ZNF407: variants seen among roughly 807,000 people sequenced by gnomAD.
ZNF407 encodes the protein zinc finger protein 407.
A neutral mutation model predicts 131.2 loss-of-function variants in ZNF407; 17 were observed. That is an observed-to-expected ratio of 0.13 (90% CI 0.09 to 0.19). The LOEUF (loss-of-function observed/expected upper bound fraction) is 0.19. ZNF407 is among the 10% of genes least tolerant of loss of function. The probability of loss-of-function intolerance (pLI) is 1.00; values close to 1 mark genes in which losing one functional copy is unlikely to be tolerated. For missense variants in ZNF407, 2,681 were observed against 2,830.6 expected (o/e 0.95, Z 1.20); for synonymous variants, 1,156 against 1,062.0 (o/e 1.09, Z -1.72).
intron 8 of ZNF407, among the ~76,000 whole-genome samples, chr18:74,944,079 G>A (rs1972129008): frequency 6.6e-6 from 1 of 151,922 alleles, no homozygotes; most frequent in Admixed American, 6.6e-5. Context: ...CTAATTATAC[G>A]AGGCGCCTGT....
chr18:74,676,621 A>G (rs1056276222), intron 3 of ZNF407, among the ~76,000 whole-genome samples: 22 of 151,904 alleles, frequency 1.4e-4, no homozygotes, highest in East Asian at 1.2e-3. Context: ...TTTTTAGTAG[A>G]GACGGGGTTT....
chr18:74,614,979 G>A (rs970562647), intron 1 of ZNF407, among the ~76,000 whole-genome samples: 10 of 152,188 alleles, frequency 6.6e-5, no homozygotes, highest in South Asian at 4.1e-4. Context: ...AGACTCCCTT[G>A]CAGCTAAGCA....
intron 3 of ZNF407, among the ~76,000 whole-genome samples, chr18:74,655,754 C>G (rs920938505): frequency 6.6e-6 from 1 of 152,090 alleles, no homozygotes; most frequent in Non-Finnish European, 1.5e-5. Context: ...TTCATGCTCA[C>G]GTGTATAAAA....
At chr18:75,043,590 G>A (rs1029232063) in intron 8 of ZNF407, among the ~76,000 whole-genome samples, 1 of 152,142 alleles carries the variant, frequency 6.6e-6, no homozygotes, top group Non-Finnish European at 1.5e-5. Flanking sequence ...CATTGTGGAT[G>A]TGCTCCCATT....
intron 3 of ZNF407, among the ~76,000 whole-genome samples, chr18:74,744,132 A>G (rs561774857): frequency 3.3e-5 from 5 of 152,158 alleles, no homozygotes; most frequent in Admixed American, 6.6e-5. Flanking sequence ...CAGGCAATAC[A>G]TTGAGAATTT....
intron 3 of ZNF407, among the ~76,000 whole-genome samples, chr18:74,760,761 C>T (rs1346719105): frequency 6.6e-6 from 1 of 152,122 alleles, no homozygotes; most frequent in Non-Finnish European, 1.5e-5. Flanking sequence ...AGCTCCTAGG[C>T]TGCTGGTTTT....
chr18:74,728,056 A>AGTT (rs897698574), intron 3 of ZNF407, among the ~76,000 whole-genome samples: 6 of 152,016 alleles, frequency 3.9e-5, no homozygotes, highest in Non-Finnish European at 8.8e-5. Flanking sequence ...GGTTATTCAT[A>AGTT]GTTGTTGTTG....
intron 1 of ZNF407, among the ~76,000 whole-genome samples, chr18:74,603,630 A>G (rs1191354064): frequency 6.6e-6 from 1 of 152,220 alleles, no homozygotes; most frequent in Admixed American, 6.5e-5. Context: ...TGTTGGTGAG[A>G]CACCATTGAC....
chr18:74,649,116 A>G (rs1232836582), intron 3 of ZNF407, among the ~76,000 whole-genome samples: 1 of 152,262 alleles, frequency 6.6e-6, no homozygotes, highest in Non-Finnish European at 1.5e-5. Context: ...CTATCTAGAT[A>G]TACAAATTTT....
intron 8 of ZNF407, among the ~76,000 whole-genome samples, chr18:74,999,455 G>T (rs1444801413): frequency 2.6e-5 from 4 of 151,034 alleles, no homozygotes; most frequent in Non-Finnish European, 5.9e-5. Flanking sequence ...CTTTCCCCTG[G>T]CTTAACCCTT....
At chr18:74,743,847 G>A (rs563025132) in intron 3 of ZNF407, among the ~76,000 whole-genome samples, 1 of 152,074 alleles carries the variant, frequency 6.6e-6, no homozygotes, top group South Asian at 2.1e-4. Flanking sequence ...TTTTGAAATT[G>A]TGATGTGTTT....
At chr18:74,966,880 T>C (rs2145298647) in intron 8 of ZNF407, among the ~76,000 whole-genome samples, 1 of 152,326 alleles carries the variant, frequency 6.6e-6, no homozygotes, top group Non-Finnish European at 1.5e-5. Context: ...TTTACTTCTT[T>C]GGTTAATTCT....
Position 75,063,865 on chromosome 18 carries a change from G to T in ZNF407, c.6144G>T (p.Glu2048Asp). Residue 2048 changes from glutamate to aspartate, a missense_variant, in exon 9 of 9, where the codon GAG becomes GAT. Coordinates refer to ENST00000299687, the MANE Select transcript of ZNF407 (RefSeq NM_017757.3). This position sits in a 1 kb window ranked among gnomAD's most constrained non-coding sequence, Gnocchi z 6.6. ...PEIQMFPQAQ[E>D]SPAAVEVLTQ... ...TCCAGATGTTCCCACAGGCCCAGGA[G>T]AGCCCGGCCGCCGTGGAGGTGCTCA... 1 of 1,611,420 alleles carries T rather than the reference G, an allele frequency of 6.2e-7. No homozygotes were observed.
At chr18:75,015,787 A>G (rs943045340) in intron 8 of ZNF407, among the ~76,000 whole-genome samples, 1 of 151,890 alleles carries the variant, frequency 6.6e-6, no homozygotes, top group Non-Finnish European at 1.5e-5. Flanking sequence ...CACTTCAATT[A>G]CTGGAATTTC....
chr18:74,969,784 CA>C (rs750437546), intron 8 of ZNF407, among the ~76,000 whole-genome samples: 2 of 152,184 alleles, frequency 1.3e-5, no homozygotes, highest in Non-Finnish European at 2.9e-5. Flanking sequence ...GCTTATTTTT[CA>C]ACCAGGCACT....
At chr18:74,641,723 G>A (rs904095880) in intron 3 of ZNF407, among the ~76,000 whole-genome samples, 1 of 152,124 alleles carries the variant, frequency 6.6e-6, no homozygotes, top group Non-Finnish European at 1.5e-5. Context: ...ATTCAAATGT[G>A]TTGCATTGGA....
chr18:74,908,394 A>T (rs1301462848), intron 7 of ZNF407, among the ~76,000 whole-genome samples: 3 of 152,068 alleles, frequency 2.0e-5, no homozygotes, highest in Non-Finnish European at 4.4e-5. Context: ...TAAGTCACTT[A>T]TTTTTTCCTA....
intron 3 of ZNF407, among the ~76,000 whole-genome samples, chr18:74,663,584 G>C (rs997564761): frequency 1.3e-5 from 2 of 152,144 alleles, no homozygotes; most frequent in African/African-American, 4.8e-5. Context: ...GAAATTTCAC[G>C]ATAACAAACT....
intron 3 of ZNF407, among the ~76,000 whole-genome samples, chr18:74,697,384 G>C (rs1380661530): frequency 1.3e-5 from 2 of 152,032 alleles, no homozygotes; most frequent in African/African-American, 4.8e-5. Flanking sequence ...GTCCAAAATA[G>C]CTGCATTCTT....
Sources: allele counts gnomAD v4.1 joint callset (sites outside exome capture counted in the v4.1 genomes callset), GRCh38; gene constraint gnomAD v4.1.1; non-coding constraint Gnocchi (gnomAD v3.1); transcripts MANE v1.5; gene names NCBI Gene and HGNC (gene_info 2026-07-23, HGNC 2026-07-21).